CTNNA3: variants seen among roughly 807,000 people sequenced by gnomAD.
The protein encoded by CTNNA3 is catenin alpha 3, also known as catenin alpha-3.
CTNNA3 carries 76 observed loss-of-function variants against 95.7 expected under a neutral mutation model. The observed-to-expected ratio is 0.79, with a 90% CI of 0.66 to 0.96. The LOEUF (loss-of-function observed/expected upper bound fraction) is 0.96, where lower values mean the gene tolerates loss of function less well. CTNNA3 is among the 40% of genes least tolerant of loss of function. The pLI, the probability that CTNNA3 is intolerant of heterozygous loss-of-function variation, is 0.00. For synonymous variants in CTNNA3, 431 were observed against 374.4 expected, an observed-to-expected ratio of 1.15 and a Z score of -1.74; for missense variants, 1,191 against 1,089.8, an observed-to-expected ratio of 1.09 and a Z score of -1.31.
At chr10:66,036,466 T>C (rs1324900949) in intron 15 of CTNNA3, among the ~76,000 whole-genome samples, 1 of 152,140 alleles carries the variant, frequency 6.6e-6, no homozygotes, top group Admixed American at 6.5e-5. Context: ...CTCTGTCTCC[T>C]GGGTTCAAGT....
intron 9 of CTNNA3, among the ~76,000 whole-genome samples, chr10:66,668,313 C>CAAAT (rs1375767366): frequency 2.6e-5 from 4 of 152,150 alleles, no homozygotes; most frequent in Admixed American, 2.0e-4. Flanking sequence ...ATTACAAGGT[C>CAAAT]ATGTTTCTTT....
At chr10:65,980,004 C>T (rs1366879685) in intron 16 of CTNNA3, among the ~76,000 whole-genome samples, 1 of 151,762 alleles carries the variant, frequency 6.6e-6, no homozygotes, top group Non-Finnish European at 1.5e-5. Flanking sequence ...AACCAACCAA[C>T]ACACAAAATA....
intron 12 of CTNNA3, among the ~76,000 whole-genome samples, chr10:66,293,618 T>C (rs956745839): frequency 6.6e-6 from 1 of 152,014 alleles, no homozygotes; most frequent in Admixed American, 6.5e-5. Context: ...ACAATGTAAT[T>C]CATTACTTTT....
At chr10:66,478,484 T>G (rs1174643430) in intron 11 of CTNNA3, among the ~76,000 whole-genome samples, 1 of 151,998 alleles carries the variant, frequency 6.6e-6, no homozygotes, top group Non-Finnish European at 1.5e-5. Flanking sequence ...TGAAATATTT[T>G]AAGGACTATA....
intron 5 of CTNNA3, among the ~76,000 whole-genome samples, chr10:67,232,980 A>G (rs1251692566): frequency 2.6e-5 from 4 of 152,292 alleles, no homozygotes; most frequent in African/African-American, 9.6e-5. Flanking sequence ...ATATATATGC[A>G]CCCAATACAG....
chr10:66,911,611 T>A (rs1654054524), intron 7 of CTNNA3, among the ~76,000 whole-genome samples: 1 of 152,204 alleles, frequency 6.6e-6, no homozygotes, highest in African/African-American at 2.4e-5. Flanking sequence ...TAGGCTCTAC[T>A]CAAAGTCTTG....
At chr10:67,036,229 T>C (rs903812001) in intron 7 of CTNNA3, among the ~76,000 whole-genome samples, 2 of 152,072 alleles carry the variant, frequency 1.3e-5, no homozygotes, top group Admixed American at 1.3e-4. Flanking sequence ...CATGGCTCAC[T>C]GCAACCTCAA....
chr10:66,530,023 G>A (rs1841411291), intron 10 of CTNNA3, among the ~76,000 whole-genome samples: 1 of 152,148 alleles, frequency 6.6e-6, no homozygotes, highest in Non-Finnish European at 1.5e-5. Context: ...TAATGCTGAT[G>A]TATATACTTC....
chr10:66,980,343 C>T (rs1028393819), intron 7 of CTNNA3, among the ~76,000 whole-genome samples: 2 of 152,138 alleles, frequency 1.3e-5, no homozygotes, highest in Non-Finnish European at 2.9e-5. Flanking sequence ...CGAGGAAATG[C>T]TTACTGTCTG....
At chr10:67,067,246 T>C (rs959101819) in intron 7 of CTNNA3, among the ~76,000 whole-genome samples, 2 of 152,208 alleles carry the variant, frequency 1.3e-5, no homozygotes, top group Non-Finnish European at 2.9e-5. Flanking sequence ...TATTTATATA[T>C]TTGTCTGTTC....
At chr10:67,438,955 G>C (rs1231044669) in intron 5 of CTNNA3, among the ~76,000 whole-genome samples, 1 of 152,108 alleles carries the variant, frequency 6.6e-6, no homozygotes, top group South Asian at 2.1e-4. Context: ...AGAGCTCTGG[G>C]GTCCTTGGTA....
intron 7 of CTNNA3, among the ~76,000 whole-genome samples, chr10:66,912,456 A>G (rs1564761394): frequency 6.6e-6 from 1 of 152,194 alleles, no homozygotes; most frequent in Non-Finnish European, 1.5e-5. Flanking sequence ...ATTAAAAATT[A>G]AAAGTTCTTT....
At chr10:67,340,653 A>C (rs1842151047) in intron 5 of CTNNA3, among the ~76,000 whole-genome samples, 1 of 152,210 alleles carries the variant, frequency 6.6e-6, no homozygotes, top group Non-Finnish European at 1.5e-5. Context: ...TCTTCCTTTT[A>C]ACTATGGCAC....
At chr10:66,059,573 G>A (rs2080154433) in intron 15 of CTNNA3, among the ~76,000 whole-genome samples, 1 of 151,750 alleles carries the variant, frequency 6.6e-6, no homozygotes, top group Admixed American at 6.6e-5. Context: ...TTCTTTCCCT[G>A]TCTGCTTTGC....
At chr10:66,318,987 G>T (rs554470547) in intron 12 of CTNNA3, among the ~76,000 whole-genome samples, 2 of 151,836 alleles carry the variant, frequency 1.3e-5, no homozygotes, top group African/African-American at 4.8e-5. Context: ...AAGCCCTTGA[G>T]TTACTCCTGA....
At chr10:67,481,424 G>C (rs1386980992) in intron 5 of CTNNA3, among the ~76,000 whole-genome samples, 1 of 152,150 alleles carries the variant, frequency 6.6e-6, no homozygotes, top group Non-Finnish European at 1.5e-5. Context: ...AACAACTTCA[G>C]TAAAGTGTCA....
chr10:65,996,032 G>A (rs1017211310), intron 15 of CTNNA3, among the ~76,000 whole-genome samples: 23 of 152,188 alleles, frequency 1.5e-4, no homozygotes, highest in African/African-American at 5.6e-4. Flanking sequence ...CAATGAGCAG[G>A]GAGAATCCAT....
Position 67,663,847 on chromosome 10 carries a change from G to A in CTNNA3, c.-5-16329C>T, listed in dbSNP as rs543441329. On this transcript the variant is annotated intron_variant, in intron 1 of 17. Coordinates refer to ENST00000433211, the MANE Select transcript of CTNNA3 (RefSeq NM_013266.4). ...CTGACAGCAGCGAGTTTCTAAGCTA[G>A]TTCACTTAGACAAGCCCAGTTTAGT... Among the ~76,000 whole-genome samples the A allele has an allele frequency of 2.0e-5, 3 of 152,220 alleles. No homozygotes were observed. The South Asian group carries it at 6.2e-4, about 32-fold the overall frequency.
intron 11 of CTNNA3, among the ~76,000 whole-genome samples, chr10:66,454,830 G>A (rs2093485673): frequency 7.7e-6 from 1 of 129,322 alleles, no homozygotes; most frequent in African/African-American, 2.8e-5. Context: ...GGAGGAGGGG[G>A]AGGAGGGGAA....
Sources: allele counts gnomAD v4.1 joint callset (sites outside exome capture counted in the v4.1 genomes callset), GRCh38; gene constraint gnomAD v4.1.1; transcripts MANE v1.5; gene names NCBI Gene and HGNC (gene_info 2026-07-23, HGNC 2026-07-21).